The following KCNV2 variants were observed in gnomAD, a reference collection of about 807,000 sequenced individuals.
The protein encoded by KCNV2 is potassium voltage-gated channel modifier subfamily V member 2.
KCNV2 carries 65 observed loss-of-function variants against 37.0 expected under a neutral mutation model. That is an observed-to-expected ratio of 1.76 (90% CI 1.44 to 2.16). The LOEUF (loss-of-function observed/expected upper bound fraction) is 2.16. Ranked by LOEUF, KCNV2 falls within the 30% of genes most tolerant of loss-of-function variation. The pLI, the probability that KCNV2 is intolerant of heterozygous loss-of-function variation, is 0.00. For missense variants in KCNV2, 1,232 were observed against 766.7 expected (o/e 1.61, Z -7.17); for synonymous variants, 518 against 328.6 (o/e 1.58, Z -6.23).
At position 2,725,559 on chromosome 9, in the gene KCNV2, A is replaced by T. The variant is rs553934531; in HGVS notation, c.1357-3887A>T. 9.8e-5 allele frequency among the ~76,000 whole-genome samples: 15 copies of T among 152,350 alleles called. 1 individual carries two copies. The highest frequency in any genetic ancestry group is 3.1e-4 in the African/African-American group (13 of 41,588). On this transcript the variant is annotated intron_variant, in intron 1 of 1. Coordinates refer to ENST00000382082, the MANE Select transcript of KCNV2 (RefSeq NM_133497.4). ...GACTATAATTCAAAAGAGGAATTCC[A>T]AATATACTTGTTGCAATAATAGCAT...
At position 2,717,808 on chromosome 9, in the gene KCNV2, C is replaced by T. The variant is rs1310560765; in HGVS notation, c.69C>T (p.Gly23=). The part of the protein sequence containing the change: ...YRPWNTTENE[G]SQHRRSICSL... Reference sequence around the variant, plus strand: ...CCTGGAACACGACGGAGAATGAGGGCAGCCAACACCGCAGGAGCATTTGCT... The same window carrying T: ...CCTGGAACACGACGGAGAATGAGGGTAGCCAACACCGCAGGAGCATTTGCT... The change falls in exon 1 of 2, where the codon GGC becomes GGT. Residue 23 remains glycine (G), a synonymous_variant. Transcript: ENST00000382082. The T allele has an allele frequency of 6.2e-7, 1 of 1,614,222 alleles. No homozygotes were observed. Among genetic ancestry groups the T allele is most frequent in the South Asian group, 1.1e-5 (1 of 91,088 alleles).
rs146568082 is a variant in KCNV2, at chr9:2,719,658, A to G, written c.1356+563A>G. 1.9e-3 allele frequency among the ~76,000 whole-genome samples: 292 copies of G among 152,298 alleles called. 1 individual carries two copies. Among genetic ancestry groups the G allele is most frequent in the Middle Eastern group, 6.8e-3 (2 of 294 alleles). On this transcript the variant is annotated intron_variant, in intron 1 of 1. Transcript: ENST00000382082. Reference sequence around the variant, plus strand: ...AACTGAAACTTGCTCTGACTTCACTAAAGTTCTTTCAGGACCCTGTATTAT... The same window carrying G: ...AACTGAAACTTGCTCTGACTTCACTGAAGTTCTTTCAGGACCCTGTATTAT...
Position 2,718,114 on chromosome 9 carries a change from C to T in KCNV2, c.375C>T (p.Arg125=). The change falls in exon 1 of 2, where the codon CGC becomes CGT. Residue 125 remains arginine, a synonymous_variant. Coordinates refer to ENST00000382082, the MANE Select transcript of KCNV2 (RefSeq NM_133497.4). The part of the protein sequence containing the change: ...LAGFPKTRLG[R]LATSTSRSRQ... ...GCTTCCCCAAGACGCGCCTAGGTCG[C>T]CTGGCCACCTCCACCAGCCGCAGCC... 2 of 1,601,220 alleles carry T rather than the reference C, an allele frequency of 1.2e-6. No homozygotes were observed. Among genetic ancestry groups the T allele is most frequent in the Non-Finnish European group, 1.7e-6 (2 of 1,174,290 alleles).
At position 2,717,510 on chromosome 9, in the gene KCNV2, A is replaced by G. The variant is rs1486064926; in HGVS notation, c.-230A>G. 5.1e-6 allele frequency: 3 copies of G among 583,554 alleles called. No individual in the cohort carries two copies. The highest frequency in any genetic ancestry group is 9.2e-6 in the Non-Finnish European group (3 of 326,324). 36.1% of individuals were successfully genotyped at this position (583,554 alleles called of 1,614,324 possible). A position where few individuals can be genotyped will look rare whatever the true frequency, so the allele number is the denominator to read the frequency against. On this transcript the variant is annotated 5_prime_UTR_variant, in exon 1 of 2. Transcript: ENST00000382082. ...TTGCTTCTTCCAAATCAGCAAGATT[A>G]GAGCAGTCAACAGCTGACTGCGTTC...
chr9:2,727,644 A>G (rs1355107863), intron 1 of KCNV2, among the ~76,000 whole-genome samples: 2 of 152,124 alleles, frequency 1.3e-5, no homozygotes, highest in African/African-American at 2.4e-5. Flanking sequence ...AATGCACTCA[A>G]TAAATGTTGG....
chr9:2,718,893 T>G lies in KCNV2; in HGVS notation c.1154T>G (p.Phe385Cys), dbSNP rs1366341886. The G allele has an allele frequency of 3.1e-6, 5 of 1,608,824 alleles. No individual in the cohort carries two copies. The highest frequency in any genetic ancestry group is 1.3e-5 in the African/African-American group (1 of 74,946). ...VLRVMRLMRI[F>C]RILKLARHST... is the part of the protein sequence containing the mutation. Reference sequence around the variant, plus strand: ...CGCGTCATGCGCCTCATGCGCATCTTCCGCATCCTCAAGCTGGCGCGCCAC... The same window carrying G: ...CGCGTCATGCGCCTCATGCGCATCTGCCGCATCCTCAAGCTGGCGCGCCAC... The change falls in exon 1 of 2, where the codon TTC becomes TGC. Residue 385 changes from phenylalanine to cysteine, a missense_variant. Coordinates refer to ENST00000382082, the MANE Select transcript of KCNV2 (RefSeq NM_133497.4).
At chr9:2,725,544 C>T (rs1464174926) in intron 1 of KCNV2, among the ~76,000 whole-genome samples, 2 of 152,122 alleles carry the variant, frequency 1.3e-5, no homozygotes, top group Non-Finnish European at 2.9e-5. Context: ...GACTATAATT[C>T]AAAAGAGGAA....
chr9:2,718,159 C>T lies in KCNV2; in HGVS notation c.420C>T (p.Asp140=), dbSNP rs886131960. 4 of 1,612,334 alleles carry T rather than the reference C, an allele frequency of 2.5e-6. No homozygotes were observed. Among genetic ancestry groups the T allele is most frequent in the Non-Finnish European group, 3.4e-6 (4 of 1,179,348 alleles). ...GCAGCCGCCAGCTAAGCCTGTGCGA[C>T]GACTACGAGGAGCAGACAGACGAAT... ...TSRSRQLSLC[D]DYEEQTDEYF... is the part of the protein sequence containing the mutation. The change falls in exon 1 of 2, where the codon GAC becomes GAT. Residue 140 remains aspartate, a synonymous_variant. Coordinates refer to ENST00000382082, the MANE Select transcript of KCNV2 (RefSeq NM_133497.4).
intron 1 of KCNV2, among the ~76,000 whole-genome samples, chr9:2,724,033 G>T (rs367596305): frequency 2.6e-5 from 4 of 151,100 alleles, no homozygotes; most frequent in African/African-American, 7.3e-5. Context: ...CCGGGGGTTG[G>T]GGGGTGGAGG....
intron 1 of KCNV2, among the ~76,000 whole-genome samples, chr9:2,719,861 T>G (rs953501283): frequency 9.2e-5 from 14 of 152,268 alleles, no homozygotes; most frequent in African/African-American, 3.1e-4. Flanking sequence ...TTGCTGAATT[T>G]GTACAGTTAG....
chr9:2,728,513 C>T (rs1300034352), intron 1 of KCNV2, among the ~76,000 whole-genome samples: 1 of 152,152 alleles, frequency 6.6e-6, no homozygotes, highest in African/African-American at 2.4e-5. Context: ...AAAACAGAAG[C>T]TTGTTAACCT....
chr9:2,721,713 A>G lies in KCNV2; in HGVS notation c.1356+2618A>G, dbSNP rs377264575. The stretch of plus-strand genomic sequence containing the variant: ...CTGGAGCTTACATTCTAATGGAGAA[A>G]GACAGATAATAAATAATTTCAGGTA... On this transcript the variant is annotated intron_variant, in intron 1 of 1. Coordinates refer to ENST00000382082, the MANE Select transcript of KCNV2 (RefSeq NM_133497.4). Among the ~76,000 whole-genome samples, 1,057 of 152,294 alleles carry G rather than the reference A, an allele frequency of 6.9e-3. 6 individuals carry two copies. Among genetic ancestry groups the G allele is most frequent in the Middle Eastern group, 0.024 (7 of 294 alleles).
chr9:2,723,877 G>A (rs1172920567), intron 1 of KCNV2, among the ~76,000 whole-genome samples: 2 of 152,024 alleles, frequency 1.3e-5, no homozygotes, highest in African/African-American at 4.8e-5. Flanking sequence ...GGTAGGAAAT[G>A]CACGGCACAG....
intron 1 of KCNV2, among the ~76,000 whole-genome samples, chr9:2,728,925 CT>C (rs1820015527): frequency 1.3e-5 from 2 of 149,930 alleles, no homozygotes; most frequent in African/African-American, 2.5e-5. Context: ...GAGAGAGAGT[CT>C]GAAGGTTTTG....
intron 1 of KCNV2, among the ~76,000 whole-genome samples, chr9:2,720,233 T>C (rs1245886504): frequency 6.6e-6 from 1 of 152,200 alleles, no homozygotes; most frequent in Non-Finnish European, 1.5e-5. Flanking sequence ...TGCAGCATAA[T>C]AGAAGATTTA....
chr9:2,722,317 A>T (rs946717018), intron 1 of KCNV2, among the ~76,000 whole-genome samples: 2 of 130,944 alleles, frequency 1.5e-5, no homozygotes, highest in Non-Finnish European at 3.2e-5. Context: ...AGTTATTTAT[A>T]AATAAATTAG....
intron 1 of KCNV2, among the ~76,000 whole-genome samples, chr9:2,726,449 C>T (rs1036971358): frequency 7.2e-5 from 11 of 152,028 alleles, no homozygotes; most frequent in Non-Finnish European, 1.0e-4. Flanking sequence ...CTTCTTTAAG[C>T]CAATTCTCTT....
intron 1 of KCNV2, among the ~76,000 whole-genome samples, chr9:2,722,272 TTTA>T (rs1207335135): frequency 7.1e-6 from 1 of 140,678 alleles, no homozygotes; most frequent in African/African-American, 2.7e-5. Flanking sequence ...TTAGAAGTTA[TTTA>T]TTTACAAATT....
intron 1 of KCNV2, among the ~76,000 whole-genome samples, chr9:2,723,798 A>C (rs753987082): frequency 5.3e-5 from 8 of 152,234 alleles, no homozygotes; most frequent in Non-Finnish European, 1.0e-4. Context: ...AGAACTTCTG[A>C]GAGTCCAGAT....
Sources: gnomAD v4.1 joint callset for allele counts (sites outside exome capture counted in the v4.1 genomes callset) on GRCh38, gnomAD v4.1.1 for gene constraint, MANE v1.5 for transcripts, NCBI Gene and HGNC (gene_info 2026-07-23, HGNC 2026-07-21) for gene names.